Variants in DHRS7B observed in about 807,000 individuals in gnomAD.
The protein encoded by DHRS7B is peroxisomal reductase activating PPAR-gamma.
Under a neutral mutation model 26.4 loss-of-function variants are expected in DHRS7B, and 24 were observed. The observed-to-expected ratio is 0.91, with a 90% CI of 0.66 to 1.28. The LOEUF (loss-of-function observed/expected upper bound fraction) is 1.28. DHRS7B is among the 50% of genes most tolerant of loss of function. The pLI is 0.00. For missense variants in DHRS7B, 368 were observed against 419.4 expected (o/e 0.88, Z 1.07); for synonymous variants, 142 against 166.4 (o/e 0.85, Z 1.13).
intron 1 of DHRS7B, chr17:21,128,274 TGTCTTGGCTGGGCGCAGTGGCTCACAC>T (rs776963515): frequency 2.6e-5 from 4 of 152,106 alleles, no homozygotes; most frequent in Non-Finnish European, 5.9e-5. Flanking sequence ...AGTGAGACCC[TGTCTTGGCTGGGCGCAGTGGCTCACAC>T]ATGTAATCCC....
At chr17:21,132,053 A>G (rs1973241320) in intron 1 of DHRS7B, among the ~76,000 whole-genome samples, 1 of 152,216 alleles carries the variant, frequency 6.6e-6, no homozygotes, top group Non-Finnish European at 1.5e-5. Flanking sequence ...TTAAAACTTC[A>G]GACAAACTAA....
At chr17:21,165,151 C>T (rs2144077641) in intron 1 of DHRS7B, among the ~76,000 whole-genome samples, 1 of 152,218 alleles carries the variant, frequency 6.6e-6, no homozygotes, top group East Asian at 1.9e-4. Context: ...CTGTGTTGCA[C>T]AGCAAGTATG....
At chr17:21,140,022 C>CTTTTTTTTTTTTTTTTTTT (rs201900387) in intron 1 of DHRS7B, among the ~76,000 whole-genome samples, 4 of 106,700 alleles carry the variant, frequency 3.7e-5, no homozygotes, top group Non-Finnish European at 5.5e-5. Flanking sequence ...CTTTCAGATT[C>CTTTTTTTTTTTTTTTTTTT]TTTTTTTTTT....
chr17:21,163,282 T>G (rs913673515), intron 1 of DHRS7B, among the ~76,000 whole-genome samples: 3 of 152,180 alleles, frequency 2.0e-5, no homozygotes, highest in Non-Finnish European at 4.4e-5. Context: ...TGGTACATTG[T>G]CAGGACACTA....
At chr17:21,177,119 T>G (rs1221118894) in intron 2 of DHRS7B, among the ~76,000 whole-genome samples, 1 of 152,158 alleles carries the variant, frequency 6.6e-6, no homozygotes, top group Non-Finnish European at 1.5e-5. Context: ...GAATTACCTG[T>G]GACCCTTGCT....
intron 2 of DHRS7B, among the ~76,000 whole-genome samples, chr17:21,176,139 C>A (rs535570791): frequency 1.3e-5 from 2 of 152,088 alleles, no homozygotes; most frequent in East Asian, 4.0e-4. Context: ...TACAGGCATG[C>A]GCCACCACAC....
intron 3 of DHRS7B, among the ~76,000 whole-genome samples, chr17:21,178,543 G>T (rs944892973): frequency 2.6e-5 from 4 of 152,190 alleles, no homozygotes; most frequent in Admixed American, 6.5e-5. Flanking sequence ...ACATCCTGAT[G>T]CCCCTACTGG....
intron 1 of DHRS7B, among the ~76,000 whole-genome samples, chr17:21,161,775 G>A (rs1974005201): frequency 6.6e-6 from 1 of 152,160 alleles, no homozygotes; most frequent in Non-Finnish European, 1.5e-5. Flanking sequence ...AAGTGATAGG[G>A]CACCTGCTAG....
At chr17:21,138,129 C>CACAT (rs1263902504) in intron 1 of DHRS7B, among the ~76,000 whole-genome samples, 3 of 140,020 alleles carry the variant, frequency 2.1e-5, no homozygotes, top group African/African-American at 8.1e-5. Flanking sequence ...CACACACACA[C>CACAT]ACATATATTT....
chr17:21,173,208 T>A (rs887155939), intron 2 of DHRS7B, among the ~76,000 whole-genome samples: 1 of 152,252 alleles, frequency 6.6e-6, no homozygotes, highest in Non-Finnish European at 1.5e-5. Flanking sequence ...CTCAATATAT[T>A]GCCATTGCAG....
intron 1 of DHRS7B, among the ~76,000 whole-genome samples, chr17:21,138,869 T>C (rs1973427204): frequency 6.6e-6 from 1 of 152,178 alleles, no homozygotes; most frequent in South Asian, 2.1e-4. Flanking sequence ...AACTTTATAT[T>C]CTAAATTATG....
At chr17:21,138,077 T>A (rs11657776) in intron 1 of DHRS7B, among the ~76,000 whole-genome samples, 10,748 of 97,266 alleles carry the variant, frequency 0.11, 955 homozygotes, top group East Asian at 0.26. Flanking sequence ...AAAAAAAAAA[T>A]ATATATATAT....
intron 1 of DHRS7B, among the ~76,000 whole-genome samples, chr17:21,139,444 G>C (rs1021703276): frequency 3.3e-5 from 5 of 152,150 alleles, no homozygotes; most frequent in African/African-American, 1.2e-4. Flanking sequence ...GGGAGGCTGA[G>C]GCAGGCAGAT....
At chr17:21,137,724 T>C (rs998180070) in intron 1 of DHRS7B, among the ~76,000 whole-genome samples, 2 of 152,054 alleles carry the variant, frequency 1.3e-5, no homozygotes, top group Non-Finnish European at 2.9e-5. Flanking sequence ...CCCAAAGTGC[T>C]GGGATTACAG....
At chr17:21,149,086 A>G (rs1028946584) in intron 1 of DHRS7B, among the ~76,000 whole-genome samples, 4 of 152,138 alleles carry the variant, frequency 2.6e-5, no homozygotes, top group African/African-American at 9.7e-5. Flanking sequence ...AGCAAATAAT[A>G]TAAAGGAGCT....
intron 1 of DHRS7B, among the ~76,000 whole-genome samples, chr17:21,130,890 A>G (rs1422923574): frequency 1.3e-5 from 2 of 152,078 alleles, no homozygotes; most frequent in Admixed American, 1.3e-4. Flanking sequence ...ATGAGGGTGA[A>G]AATTGGGATT....
intron 1 of DHRS7B, chr17:21,128,189 A>C (rs1973142059): frequency 6.6e-6 from 1 of 152,198 alleles, no homozygotes; most frequent in South Asian, 2.1e-4. Context: ...GGCTGAGGCA[A>C]GTGGATTGCT....
chr17:21,165,368 G>T (rs1012514922), intron 1 of DHRS7B, among the ~76,000 whole-genome samples: 3 of 151,738 alleles, frequency 2.0e-5, no homozygotes, highest in African/African-American at 7.3e-5. Context: ...TTGGGACAGG[G>T]TCTCACTCTG....
chr17:21,138,208 C>CTTTT (rs1973407672), intron 1 of DHRS7B, among the ~76,000 whole-genome samples: 2 of 104,946 alleles, frequency 1.9e-5, no homozygotes, highest in African/African-American at 4.2e-5. Flanking sequence ...TCCATCCCTC[C>CTTTT]TTCTTTTTTT....
Sources: gnomAD v4.1 joint callset for allele counts (sites outside exome capture counted in the v4.1 genomes callset) on GRCh38, gnomAD v4.1.1 for gene constraint, MANE v1.5 for transcripts, NCBI Gene and HGNC (gene_info 2026-07-23, HGNC 2026-07-21) for gene names.